MEGF11: variants seen among roughly 807,000 people sequenced by gnomAD.
MEGF11 encodes multiple EGF like domains 11, also known as multiple epidermal growth factor-like domains protein 11.
In MEGF11, 126 loss-of-function variants were observed where a neutral mutation model predicts 146.6. That is an observed-to-expected ratio of 0.86 (90% CI 0.74 to 1.00). MEGF11 has a LOEUF of 1.00. Ranked by LOEUF, MEGF11 falls within the 50% of genes least tolerant of loss-of-function variation. The pLI, the probability that MEGF11 is intolerant of heterozygous loss-of-function variation, is 0.00. For missense variants in MEGF11, 1,509 were observed against 1,521.2 expected (o/e 0.99, Z 0.13); for synonymous variants, 532 against 583.4 (o/e 0.91, Z 1.27).
chr15:66,141,267 TG>T (rs2089141328), intron 1 of MEGF11, among the ~76,000 whole-genome samples: 2 of 142,482 alleles, frequency 1.4e-5, no homozygotes, highest in African/African-American at 5.2e-5. Context: ...TGTGTGTGTG[TG>T]TGTGTGTGTG....
At chr15:66,124,027 C>T in intron 2 of MEGF11, 27 bp from the exon 3 acceptor site, 1 of 1,564,930 alleles carries the variant, frequency 6.4e-7, no homozygotes, top group Non-Finnish European at 8.8e-7. Flanking sequence ...AGATAGGAGC[C>T]ATGATTAGCA....
chr15:65,987,989 A>T (rs774876515), intron 5 of MEGF11, among the ~76,000 whole-genome samples: 3 of 137,210 alleles, frequency 2.2e-5, no homozygotes, highest in African/African-American at 8.2e-5. Flanking sequence ...GATTACAGGC[A>T]TGAGCCACAG....
At chr15:66,177,601 T>C (rs76364406) in intron 1 of MEGF11, among the ~76,000 whole-genome samples, 3,916 of 152,050 alleles carry the variant, frequency 0.026, 159 homozygotes, top group African/African-American at 0.088. Context: ...ACCAAAGCAC[T>C]GTAAGTATCG....
chr15:66,088,464 C>A (rs2086199524), intron 5 of MEGF11, among the ~76,000 whole-genome samples: 1 of 152,172 alleles, frequency 6.6e-6, no homozygotes, highest in Admixed American at 6.5e-5. Flanking sequence ...TCAGCTTGGC[C>A]AACATGGTGA....
At chr15:65,943,733 C>T (rs996748327) in intron 10 of MEGF11, among the ~76,000 whole-genome samples, 4 of 152,300 alleles carry the variant, frequency 2.6e-5, no homozygotes, top group South Asian at 2.1e-4. Flanking sequence ...TTAGCATCTG[C>T]ATGTCAGACA....
intron 5 of MEGF11, among the ~76,000 whole-genome samples, chr15:66,055,962 A>G (rs1405182547): frequency 1.3e-5 from 2 of 152,152 alleles, no homozygotes; most frequent in Non-Finnish European, 2.9e-5. Context: ...TCGGGAAAGC[A>G]TGGAGGCAAA....
At chr15:65,934,070 A>G (rs2079677178) in intron 10 of MEGF11, among the ~76,000 whole-genome samples, 1 of 152,140 alleles carries the variant, frequency 6.6e-6, no homozygotes, top group African/African-American at 2.4e-5. Flanking sequence ...TGGAACTTTT[A>G]TCACCACACA....
chr15:66,127,148 G>A (rs1217115849), intron 2 of MEGF11, among the ~76,000 whole-genome samples: 1 of 152,212 alleles, frequency 6.6e-6, no homozygotes, highest in African/African-American at 2.4e-5. Flanking sequence ...GCCGTTCAGA[G>A]ACTTCCCCAG....
At position 65,896,424 on chromosome 15, in the gene MEGF11, G is replaced by A. The variant is rs2078360533; in HGVS notation, c.*1510C>T. On this transcript the variant is annotated 3_prime_UTR_variant, in exon 26 of 26. Transcript: ENST00000395614. Reference sequence around the variant, plus strand: ...GGCAGGCTTCCAGTTTCTATCAAGGGTTTCAGAACTCTCATACTTCCTGTA... The same window carrying A: ...GGCAGGCTTCCAGTTTCTATCAAGGATTTCAGAACTCTCATACTTCCTGTA... The A allele has an allele frequency of 6.6e-6, 1 of 152,588 alleles. No individual in the cohort carries two copies. Among genetic ancestry groups the A allele is most frequent in the South Asian group, 2.1e-4 (1 of 4,836 alleles). The allele number at this position is 152,588 out of a possible 1,614,324, so 9.5% of individuals were successfully genotyped here.
At chr15:66,138,705 C>T (rs973693624) in intron 1 of MEGF11, among the ~76,000 whole-genome samples, 1 of 152,202 alleles carries the variant, frequency 6.6e-6, no homozygotes, top group Non-Finnish European at 1.5e-5. Flanking sequence ...TAAGGATGGT[C>T]ATTTAACCTC....
intron 1 of MEGF11, among the ~76,000 whole-genome samples, chr15:66,213,966 G>A (rs890557737): frequency 4.0e-5 from 6 of 149,802 alleles, no homozygotes; most frequent in South Asian, 2.1e-4. Context: ...GGATATGGCC[G>A]CCAACCCTTC....
intron 4 of MEGF11, among the ~76,000 whole-genome samples, chr15:66,113,493 C>T (rs1385761161): frequency 1.3e-5 from 2 of 152,196 alleles, no homozygotes; most frequent in Non-Finnish European, 2.9e-5. Flanking sequence ...TAGACTCCCC[C>T]TCCTTGCCCG....
At chr15:66,028,848 A>C (rs557357946) in intron 5 of MEGF11, among the ~76,000 whole-genome samples, 4 of 152,376 alleles carry the variant, frequency 2.6e-5, no homozygotes, top group East Asian at 3.9e-4. Context: ...AGAAGGGACT[A>C]TGCAAAACGA....
chr15:65,900,918 G>A, intron 24 of MEGF11, among the ~76,000 whole-genome samples: 1 of 152,204 alleles, frequency 6.6e-6, no homozygotes, highest in East Asian at 1.9e-4. Flanking sequence ...TATAGGCCCA[G>A]ATGCTGGTTG....
chr15:66,122,757 T>C (rs2088096617), intron 3 of MEGF11, among the ~76,000 whole-genome samples: 1 of 147,174 alleles, frequency 6.8e-6, no homozygotes. Context: ...TAGAACAAGG[T>C]TTATTAAGGC....
At chr15:66,011,809 A>G (rs1402590835) in intron 5 of MEGF11, among the ~76,000 whole-genome samples, 1 of 152,066 alleles carries the variant, frequency 6.6e-6, no homozygotes, top group Non-Finnish European at 1.5e-5. Context: ...TATCCAGAGA[A>G]TACTATGCAG....
chr15:66,075,570 C>G (rs1434141975), intron 5 of MEGF11, among the ~76,000 whole-genome samples: 1 of 152,200 alleles, frequency 6.6e-6, no homozygotes, highest in Non-Finnish European at 1.5e-5. Context: ...CTTACAGCAG[C>G]ACAGTGATCC....
chr15:66,241,801 C>T (rs2092215991), intron 1 of MEGF11, among the ~76,000 whole-genome samples: 1 of 152,058 alleles, frequency 6.6e-6, no homozygotes, highest in Admixed American at 6.6e-5. Flanking sequence ...ACAAAGCACG[C>T]TACTCAACCC....
intron 5 of MEGF11, among the ~76,000 whole-genome samples, chr15:65,992,450 T>TG (rs11355219): frequency 0.054 from 6,809 of 126,336 alleles, 278 homozygotes; most frequent in Middle Eastern, 0.085. Context: ...TGTGTGTGTG[T>TG]GGGGGGGGGG....
Sources: allele counts gnomAD v4.1 joint callset (sites outside exome capture counted in the v4.1 genomes callset), GRCh38; gene constraint gnomAD v4.1.1; transcripts MANE v1.5; gene names NCBI Gene and HGNC (gene_info 2026-07-23, HGNC 2026-07-21).